The following SCN9A variants were observed in gnomAD, a reference collection of about 807,000 sequenced individuals.
SCN9A encodes sodium channel protein type 9 subunit alpha.
SCN9A carries 131 observed loss-of-function variants against 187.0 expected under a neutral mutation model. That is an observed-to-expected ratio of 0.70 (90% confidence interval 0.61 to 0.81). The LOEUF (loss-of-function observed/expected upper bound fraction) is 0.81. Among genes scored for constraint, SCN9A ranks in the 30% least tolerant of loss-of-function variants. The probability of loss-of-function intolerance (pLI) is 0.00; values close to 1 mark genes in which losing one functional copy is unlikely to be tolerated. For missense variants in SCN9A, 2,252 were observed against 2,396.6 expected (o/e 0.94, Z 1.26); for synonymous variants, 809 against 808.6 (o/e 1.00, Z -0.01).
At chr2:166,243,656 G>A (rs935084870) in intron 18 of SCN9A, among the ~76,000 whole-genome samples, 2 of 151,872 alleles carry the variant, frequency 1.3e-5, no homozygotes, top group Non-Finnish European at 2.9e-5. Flanking sequence ...CAAGCAGAAT[G>A]TACACAAGAG....
intron 1 of SCN9A, among the ~76,000 whole-genome samples, chr2:166,334,276 T>C (rs748789887): frequency 2.0e-5 from 3 of 152,078 alleles, no homozygotes; most frequent in Non-Finnish European, 4.4e-5. Flanking sequence ...CTGAACAGAA[T>C]AAATGCTGAA....
chr2:166,199,644 G>T lies in SCN9A; in HGVS notation c.4995C>A (p.Asn1665Lys). ...CATCTTCCTTTTTAACATAGGCAAA[G>T]TTGGACATTCCAAAGATGGCGTAGA... ...MFIYAIFGMSNFAYVKKEDGI... is the reference protein window; with the variant it reads ...MFIYAIFGMSKFAYVKKEDGI... Residue 1665 changes from asparagine (N) to lysine (K), a missense_variant, in exon 27 of 27, where the codon AAC becomes AAA. By Grantham distance (94) the Asn-to-Lys change is moderately conservative. This residue lies in a region of SCN9A where 84 missense variants were observed against 134.2 expected (regional missense o/e 0.63). Transcript: ENST00000642356. 6.2e-7 allele frequency: 1 copy of T among 1,614,176 alleles called. No individual in the cohort carries two copies. Among genetic ancestry groups the T allele is most frequent in the Non-Finnish European group, 8.5e-7 (1 of 1,180,036 alleles).
At chr2:166,292,361 A>T (rs1698112740) in intron 9 of SCN9A, among the ~76,000 whole-genome samples, 1 of 152,036 alleles carries the variant, frequency 6.6e-6, no homozygotes, top group South Asian at 2.1e-4. Flanking sequence ...AATTATTTTA[A>T]TTTTTTTATT....
At chr2:166,348,723 A>G (rs1489537279) in intron 1 of SCN9A, among the ~76,000 whole-genome samples, 1 of 152,062 alleles carries the variant, frequency 6.6e-6, no homozygotes, top group Non-Finnish European at 1.5e-5. Context: ...CCACCCACCT[A>G]TCTAGGACTC....
chr2:166,285,629 A>T (rs1193797719), intron 11 of SCN9A, among the ~76,000 whole-genome samples: 2 of 152,174 alleles, frequency 1.3e-5, no homozygotes, highest in African/African-American at 4.8e-5. Context: ...TTTACTGTGT[A>T]TATCAGGAGA....
chr2:166,216,159 A>T (rs973955932), intron 24 of SCN9A, among the ~76,000 whole-genome samples: 3 of 151,118 alleles, frequency 2.0e-5, no homozygotes, highest in Non-Finnish European at 4.4e-5. Context: ...TACTAGATGC[A>T]GACAAAGCAT....
At position 166,248,696 on chromosome 2, in the gene SCN9A, T is replaced by C. The variant is rs188839423; in HGVS notation, c.3472+3069A>G. Among the ~76,000 whole-genome samples, 365 of 152,276 alleles carry C rather than the reference T, an allele frequency of 2.4e-3. 4 individuals carry two copies. Among genetic ancestry groups the C allele is most frequent in the African/African-American group, 8.7e-3 (360 of 41,572 alleles). On this transcript the variant is annotated intron_variant, in intron 18 of 26. Coordinates refer to ENST00000642356, the MANE Select transcript of SCN9A (RefSeq NM_001365536.1). ...TTGTTTGTTTGTTGGAGACAGAGTCTTCCTCTGTCGTCCAGGCTGGAGTGC... is the reference window on the plus strand; with the variant it reads ...TTGTTTGTTTGTTGGAGACAGAGTCCTCCTCTGTCGTCCAGGCTGGAGTGC...
intron 1 of SCN9A, among the ~76,000 whole-genome samples, chr2:166,368,050 A>G (rs1700460960): frequency 6.6e-6 from 1 of 152,240 alleles, no homozygotes; most frequent in Non-Finnish European, 1.5e-5. Flanking sequence ...TGTGTGGGGT[A>G]TGTGCAAACG....
chr2:166,306,382 A>G, intron 4 of SCN9A, 128 bp downstream of exon 4: 1 of 666,294 alleles, frequency 1.5e-6, no homozygotes, highest in South Asian at 1.7e-5. Flanking sequence ...AACAAAAGAA[A>G]AGCAAGCATA....
At chr2:166,300,194 G>T (rs1189853484) in intron 7 of SCN9A, among the ~76,000 whole-genome samples, 1 of 150,820 alleles carries the variant, frequency 6.6e-6, no homozygotes, top group Admixed American at 6.6e-5. Flanking sequence ...GGGCTGAAAT[G>T]TCCTGCATGA....
intron 24 of SCN9A, among the ~76,000 whole-genome samples, chr2:166,222,960 A>AC (rs1558960932): frequency 4.8e-5 from 7 of 146,690 alleles, no homozygotes; most frequent in Admixed American, 2.1e-4. Flanking sequence ...AAAAAAAAAA[A>AC]AAAAAAAAAA....
intron 1 of SCN9A, among the ~76,000 whole-genome samples, chr2:166,364,629 T>A (rs372654175): frequency 7.9e-5 from 12 of 152,216 alleles, no homozygotes; most frequent in African/African-American, 2.4e-4. Flanking sequence ...CCTAGAATAG[T>A]CACATTCATA....
chr2:166,266,228 G>A (rs1331414181), intron 17 of SCN9A, among the ~76,000 whole-genome samples: 1 of 151,750 alleles, frequency 6.6e-6, no homozygotes, highest in African/African-American at 2.4e-5. Flanking sequence ...TCTATTTTGA[G>A]TTGACTTGTG....
intron 11 of SCN9A, 35 bp downstream of exon 11, chr2:166,286,301 C>T (rs1697738155): frequency 6.4e-7 from 1 of 1,566,450 alleles, no homozygotes; most frequent in East Asian, 2.3e-5. Flanking sequence ...AGCATTCTGC[C>T]TCGGGTGATA....
At chr2:166,280,665 G>T in intron 13 of SCN9A, 70 bp from the exon 14 acceptor site, 1 of 864,850 alleles carries the variant, frequency 1.2e-6, no homozygotes, top group Non-Finnish European at 1.8e-6. Flanking sequence ...ATACAAATCA[G>T]TCAGGCATTC....
At chr2:166,288,685 T>C (rs1480809455) in intron 9 of SCN9A, 42 bp from the exon 10 acceptor site, 1 of 1,463,800 alleles carries the variant, frequency 6.8e-7, no homozygotes, top group Non-Finnish European at 9.2e-7. Flanking sequence ...ATAAAAAGTT[T>C]TTTTAGTAAA....
At chr2:166,298,069 G>T (rs62178523) in intron 7 of SCN9A, among the ~76,000 whole-genome samples, 1 of 151,976 alleles carries the variant, frequency 6.6e-6, no homozygotes, top group South Asian at 2.1e-4. Flanking sequence ...TATCCCCAAC[G>T]AAGGGCAAAT....
At chr2:166,289,089 C>T (rs1164588734) in intron 9 of SCN9A, among the ~76,000 whole-genome samples, 1 of 151,824 alleles carries the variant, frequency 6.6e-6, no homozygotes, top group African/African-American at 2.4e-5. Flanking sequence ...CTTTATTCAT[C>T]TCATAGGTAT....
intron 7 of SCN9A, among the ~76,000 whole-genome samples, chr2:166,295,410 G>T (rs1349138566): frequency 6.6e-6 from 1 of 152,118 alleles, no homozygotes; most frequent in Non-Finnish European, 1.5e-5. Context: ...ACATCCTAGG[G>T]TGCACTTATA....
Sources: allele counts gnomAD v4.1 joint callset (sites outside exome capture counted in the v4.1 genomes callset), GRCh38; gene constraint gnomAD v4.1.1; regional missense constraint gnomAD v4.1.1; transcripts MANE v1.5; gene names NCBI Gene and HGNC (gene_info 2026-07-23, HGNC 2026-07-21).